ATP2B2: variants seen among roughly 807,000 people sequenced by gnomAD.
ATP2B2 encodes ATPase plasma membrane Ca2+ transporting 2, also known as plasma membrane calcium-transporting ATPase 2.
In ATP2B2, 15 loss-of-function variants were observed where a neutral mutation model predicts 120.0. The observed-to-expected ratio is 0.12, with a 90% CI of 0.08 to 0.19. The LOEUF (loss-of-function observed/expected upper bound fraction) is 0.19. Ranked by LOEUF, ATP2B2 falls within the 10% of genes least tolerant of loss-of-function variation. ATP2B2 has a pLI of 1.00. For missense variants in ATP2B2, 1,045 were observed against 1,719.8 expected, an observed-to-expected ratio of 0.61 and a Z score of 6.94; for synonymous variants, 694 against 700.3, an observed-to-expected ratio of 0.99 and a Z score of 0.14.
At chr3:10,671,413 G>A (rs993047680) in intron 1 of ATP2B2, among the ~76,000 whole-genome samples, 5 of 152,100 alleles carry the variant, frequency 3.3e-5, no homozygotes, top group Admixed American at 2.6e-4. Flanking sequence ...GATCATGTGC[G>A]GCCCTTGTCG....
intron 2 of ATP2B2, among the ~76,000 whole-genome samples, chr3:10,595,946 G>A (rs934502729): frequency 6.6e-6 from 1 of 151,928 alleles, no homozygotes; most frequent in African/African-American, 2.4e-5. Context: ...GCTGCTCCTC[G>A]AACCCACCAC....
chr3:10,496,263 T>A (rs1259147766), intron 1 of ATP2B2, among the ~76,000 whole-genome samples: 1 of 152,162 alleles, frequency 6.6e-6, no homozygotes, highest in Non-Finnish European at 1.5e-5. Context: ...ACACTGTTGG[T>A]GCCCACCCTA....
At chr3:10,572,746 A>T (rs921522992) in intron 2 of ATP2B2, among the ~76,000 whole-genome samples, 1 of 152,230 alleles carries the variant, frequency 6.6e-6, no homozygotes, top group African/African-American at 2.4e-5. Context: ...TTGAAGGGGC[A>T]TCTGCAGGGG....
At chr3:10,632,624 G>A (rs140641041) in intron 1 of ATP2B2, among the ~76,000 whole-genome samples, 8 of 152,326 alleles carry the variant, frequency 5.3e-5, no homozygotes, top group East Asian at 3.9e-4. Flanking sequence ...GCTTAGCATC[G>A]AGCTCTGGCC....
intron 8 of ATP2B2, among the ~76,000 whole-genome samples, chr3:10,383,521 C>T (rs2061589181): frequency 6.6e-6 from 1 of 152,226 alleles, no homozygotes; most frequent in African/African-American, 2.4e-5. Context: ...ACAAGACACA[C>T]TCCACTGGGA....
chr3:10,578,771 A>C (rs2068314711), intron 2 of ATP2B2, among the ~76,000 whole-genome samples: 1 of 152,220 alleles, frequency 6.6e-6, no homozygotes, highest in African/African-American at 2.4e-5. Flanking sequence ...TGGGTGATGG[A>C]TGAATCTCAC....
chr3:10,470,974 G>C (rs1425710853), intron 1 of ATP2B2, among the ~76,000 whole-genome samples: 1 of 152,222 alleles, frequency 6.6e-6, no homozygotes, highest in Non-Finnish European at 1.5e-5. Flanking sequence ...TCAGAGCGAT[G>C]GCTGGAGGGG....
chr3:10,578,543 T>C (rs2068307976), intron 2 of ATP2B2, among the ~76,000 whole-genome samples: 1 of 107,560 alleles, frequency 9.3e-6, no homozygotes, highest in Admixed American at 9.4e-5. Context: ...AGAGAGTCCA[T>C]CTCAAAAAAA....
At chr3:10,627,014 C>T (rs557766991) in intron 1 of ATP2B2, among the ~76,000 whole-genome samples, 1 of 152,330 alleles carries the variant, frequency 6.6e-6, no homozygotes, top group Admixed American at 6.5e-5. Context: ...ACTCACTCCC[C>T]AGACTCGGAT....
chr3:10,628,491 C>T (rs1231930467), intron 1 of ATP2B2, among the ~76,000 whole-genome samples: 1 of 152,224 alleles, frequency 6.6e-6, no homozygotes, highest in Non-Finnish European at 1.5e-5. Flanking sequence ...TCGCAGCTCT[C>T]TCCTAATGCC....
At chr3:10,647,357 G>A (rs533421700) in intron 1 of ATP2B2, among the ~76,000 whole-genome samples, 18 of 152,268 alleles carry the variant, frequency 1.2e-4, no homozygotes, top group Admixed American at 8.5e-4. Flanking sequence ...ACATCTCACC[G>A]TGAGATCAAA....
intron 2 of ATP2B2, among the ~76,000 whole-genome samples, chr3:10,415,160 C>T (rs543330920): frequency 1.3e-5 from 2 of 152,350 alleles, no homozygotes; most frequent in African/African-American, 4.8e-5. Flanking sequence ...TGCTTCACCT[C>T]TCACTGCCTT....
intron 3 of ATP2B2, among the ~76,000 whole-genome samples, chr3:10,405,399 G>T (rs1215794160): frequency 6.6e-6 from 1 of 152,212 alleles, no homozygotes; most frequent in Non-Finnish European, 1.5e-5. Flanking sequence ...AGAACTGTCT[G>T]CTCGTCACGC....
rs2059837689 is a variant in ATP2B2, at chr3:10,325,116, A to G, written c.*3698T>C. 1 of 152,150 alleles carries G rather than the reference A, an allele frequency of 6.6e-6. No individual in the cohort carries two copies. The allele number at this position is 152,150 out of a possible 1,614,324, so 9.4% of individuals were successfully genotyped here. On this transcript the variant is annotated 3_prime_UTR_variant, in exon 23 of 23. Coordinates refer to ENST00000360273, the MANE Select transcript of ATP2B2 (RefSeq NM_001001331.4). ...CAGGATGCCCTTTTTGTCCCTCTTT[A>G]CAGAACATAGTCTATTTCACAGCCC...
chr3:10,327,778 T>A lies in ATP2B2; in HGVS notation c.*1036A>T, dbSNP rs539233987. The A allele has an allele frequency of 2.6e-5, 4 of 152,798 alleles. No individual in the cohort carries two copies. In the South Asian group the frequency reaches 8.3e-4, roughly 32 times the overall value. The allele number at this position is 152,798 out of a possible 1,614,324, so 9.5% of individuals were successfully genotyped here. The stretch of plus-strand genomic sequence containing the variant: ...CCTCTCCCTTCGTCTACGGAGCATG[T>A]TGTTAAACCCCTCAGGATGGCAACT... On this transcript the variant is annotated 3_prime_UTR_variant, in exon 23 of 23. Transcript: ENST00000360273.
intron 1 of ATP2B2, among the ~76,000 whole-genome samples, chr3:10,632,088 G>C (rs1575577332): frequency 1.3e-5 from 2 of 152,248 alleles, no homozygotes; most frequent in African/African-American, 2.4e-5. Flanking sequence ...CTGTGCCTGA[G>C]GAGCAGTGGG....
At chr3:10,651,744 A>AATGGATGG (rs36070242) in intron 1 of ATP2B2, among the ~76,000 whole-genome samples, 24 of 150,688 alleles carry the variant, frequency 1.6e-4, no homozygotes, top group East Asian at 5.9e-4. Flanking sequence ...TGCATGTATG[A>AATGGATGG]ATGGATGGAT....
At chr3:10,488,519 C>G (rs997824371) in intron 1 of ATP2B2, among the ~76,000 whole-genome samples, 14 of 122,944 alleles carry the variant, frequency 1.1e-4, no homozygotes, top group East Asian at 9.9e-4. Context: ...TCCTTCCTTC[C>G]TTCCTTCCTT....
At chr3:10,592,278 T>A (rs549330048) in intron 2 of ATP2B2, among the ~76,000 whole-genome samples, 7 of 152,360 alleles carry the variant, frequency 4.6e-5, no homozygotes, top group South Asian at 2.1e-4. Flanking sequence ...AGAAGGGAAG[T>A]GGATGGCAGA....
Sources: gnomAD v4.1 joint callset for allele counts (sites outside exome capture counted in the v4.1 genomes callset) on GRCh38, gnomAD v4.1.1 for gene constraint, MANE v1.5 for transcripts, NCBI Gene and HGNC (gene_info 2026-07-23, HGNC 2026-07-21) for gene names.